Variants in PHACTR1 observed in about 807,000 individuals in gnomAD.
The protein encoded by PHACTR1 is RPEL repeat containing 1.
In PHACTR1, 16 loss-of-function variants were observed where a neutral mutation model predicts 69.2. The ratio of observed to expected loss-of-function variants is 0.23; its 90% confidence interval spans 0.16 to 0.35. The LOEUF (loss-of-function observed/expected upper bound fraction) is 0.35, where lower values mean the gene tolerates loss of function less well. PHACTR1 is among the 10% of genes least tolerant of loss of function. The pLI, the probability that PHACTR1 is intolerant of heterozygous loss-of-function variation, is 1.00. For synonymous variants in PHACTR1, 312 were observed against 284.5 expected (o/e 1.10, Z -0.97); for missense variants, 510 against 734.7 (o/e 0.69, Z 3.54).
Position 12,832,793 on chromosome 6 carries a change from TA to T in PHACTR1, c.250+83004del, listed in dbSNP as rs1378740679. Among the ~76,000 whole-genome samples, 10 of 152,208 alleles carry T rather than the reference TA, an allele frequency of 6.6e-5. No homozygotes were observed. The East Asian group carries it at 1.9e-3, about 29-fold the overall frequency. The stretch of plus-strand genomic sequence containing the variant: ...CCCACCCCCCATCTTTTGTTCCTCT[TA>T]TGTTGTCAGGCACACAGATATATCA... On this transcript the variant is annotated intron_variant, in intron 4 of 14. Coordinates refer to ENST00000332995, the MANE Select transcript of PHACTR1 (RefSeq NM_030948.6).
At chr6:13,277,080 C>T (rs549924985) in intron 11 of PHACTR1, among the ~76,000 whole-genome samples, 3 of 152,302 alleles carry the variant, frequency 2.0e-5, no homozygotes, top group East Asian at 1.9e-4. Flanking sequence ...AACAATGCTA[C>T]GCTGATATCT....
At chr6:12,894,375 C>A (rs1228620943) in intron 4 of PHACTR1, among the ~76,000 whole-genome samples, 1 of 152,198 alleles carries the variant, frequency 6.6e-6, no homozygotes. Context: ...GAGTCAAAGG[C>A]AGGCAGATCA....
At chr6:12,988,557 A>G (rs1796455272) in intron 4 of PHACTR1, among the ~76,000 whole-genome samples, 1 of 152,226 alleles carries the variant, frequency 6.6e-6, no homozygotes, top group Non-Finnish European at 1.5e-5. Context: ...GCAAAAGTAT[A>G]ATGTTCGCAA....
At chr6:13,151,221 T>C (rs1484458387) in intron 5 of PHACTR1, among the ~76,000 whole-genome samples, 2 of 152,242 alleles carry the variant, frequency 1.3e-5, no homozygotes, top group South Asian at 2.1e-4. Context: ...GAATGTAATT[T>C]AAAGGCAGTT....
intron 7 of PHACTR1, among the ~76,000 whole-genome samples, chr6:13,196,714 C>T (rs527372408): frequency 3.9e-4 from 59 of 152,290 alleles, no homozygotes; most frequent in African/African-American, 1.2e-3. Context: ...CCACTGCACC[C>T]GGCCCCAGTC....
intron 14 of PHACTR1, 46 bp from the exon 15 acceptor site, chr6:13,287,017 A>C (rs761075069): frequency 4.4e-6 from 7 of 1,598,284 alleles, no homozygotes; most frequent in Admixed American, 1.7e-5. Flanking sequence ...TGAATCCTGC[A>C]CCTTTGGCAG....
intron 4 of PHACTR1, among the ~76,000 whole-genome samples, chr6:13,010,368 T>C (rs1364180229): frequency 6.6e-6 from 1 of 152,156 alleles, no homozygotes; most frequent in East Asian, 1.9e-4. Flanking sequence ...GCTCAGGTGA[T>C]CCACCAGCCT....
chr6:13,092,715 G>A (rs551144839), intron 5 of PHACTR1, among the ~76,000 whole-genome samples: 4 of 152,314 alleles, frequency 2.6e-5, no homozygotes, highest in South Asian at 2.1e-4. Flanking sequence ...AAATGGGAAC[G>A]TGGAAAAGAG....
At chr6:13,267,388 AAT>A (rs1776891094) in intron 10 of PHACTR1, 1 of 152,236 alleles carries the variant, frequency 6.6e-6, no homozygotes, top group Admixed American at 6.5e-5. Context: ...GACTCCAGGG[AAT>A]AGAGTCAATG....
intron 4 of PHACTR1, among the ~76,000 whole-genome samples, chr6:12,829,733 T>C (rs1160945524): frequency 6.6e-6 from 1 of 151,026 alleles, no homozygotes; most frequent in Non-Finnish European, 1.5e-5. Flanking sequence ...GATGGGAGGA[T>C]CACCTGAGGC....
At chr6:12,726,998 C>G (rs1762875997) in intron 3 of PHACTR1, among the ~76,000 whole-genome samples, 1 of 152,148 alleles carries the variant, frequency 6.6e-6, no homozygotes, top group African/African-American at 2.4e-5. Flanking sequence ...CTTGAGGCAT[C>G]ACCCTCAACA....
intron 4 of PHACTR1, among the ~76,000 whole-genome samples, chr6:12,865,259 A>G (rs1582165601): frequency 1.3e-5 from 2 of 152,284 alleles, no homozygotes; most frequent in South Asian, 2.1e-4. Flanking sequence ...ACCACTGATA[A>G]TGTTATTTAT....
chr6:13,174,845 A>G (rs895236279), intron 6 of PHACTR1, among the ~76,000 whole-genome samples: 2 of 152,102 alleles, frequency 1.3e-5, no homozygotes, highest in Non-Finnish European at 2.9e-5. Flanking sequence ...AATGAGAGTG[A>G]TTTTGGTACT....
In PHACTR1 at chr6:12,951,945, C is replaced by T. The variant is rs1043759759; in HGVS notation, c.251-101420C>T. Reference sequence around the variant, plus strand: ...ATGTAGTGGCATTATGGAAACAAAACGCAGAAAGCAATGAATACTCGAGTA... The same window carrying T: ...ATGTAGTGGCATTATGGAAACAAAATGCAGAAAGCAATGAATACTCGAGTA... On this transcript the variant is annotated intron_variant, in intron 4 of 14. Coordinates refer to ENST00000332995, the MANE Select transcript of PHACTR1 (RefSeq NM_030948.6). 3.9e-5 allele frequency among the ~76,000 whole-genome samples: 6 copies of T among 152,200 alleles called. No individual in the cohort carries two copies. In the East Asian group the frequency reaches 5.8e-4, roughly 15 times the overall value.
intron 4 of PHACTR1, among the ~76,000 whole-genome samples, chr6:12,790,570 A>G (rs559237186): frequency 5.0e-4 from 76 of 152,332 alleles, no homozygotes; most frequent in African/African-American, 1.7e-3. Flanking sequence ...TAGACCAGTG[A>G]TCCTTGTCTG....
chr6:12,955,007 T>C (rs2127557732), intron 4 of PHACTR1, among the ~76,000 whole-genome samples: 1 of 152,280 alleles, frequency 6.6e-6, no homozygotes, highest in Non-Finnish European at 1.5e-5. Flanking sequence ...TTACCAATAT[T>C]CAGATATTCA....
chr6:12,824,412 AC>A (rs1227030684), intron 4 of PHACTR1, among the ~76,000 whole-genome samples: 1 of 152,008 alleles, frequency 6.6e-6, no homozygotes, highest in Middle Eastern at 3.2e-3. Flanking sequence ...TCATCCCCCT[AC>A]CCTGGTCCGT....
intron 4 of PHACTR1, among the ~76,000 whole-genome samples, chr6:13,005,003 T>C (rs754539052): frequency 3.1e-4 from 47 of 151,690 alleles, no homozygotes; most frequent in Non-Finnish European, 6.0e-4. Flanking sequence ...TCTTTAAATA[T>C]ATTTTACAAA....
intron 5 of PHACTR1, among the ~76,000 whole-genome samples, chr6:13,154,213 GGA>G (rs1476421338): frequency 6.6e-6 from 1 of 152,120 alleles, no homozygotes; most frequent in Non-Finnish European, 1.5e-5. Context: ...TGCCCAGGCT[GGA>G]GTGTAGTGGT....
Sources: allele counts gnomAD v4.1 joint callset (sites outside exome capture counted in the v4.1 genomes callset), GRCh38; gene constraint gnomAD v4.1.1; transcripts MANE v1.5; gene names NCBI Gene and HGNC (gene_info 2026-07-23, HGNC 2026-07-21).